CASK: variants seen among roughly 807,000 people sequenced by gnomAD.
The protein encoded by CASK is calcium/calmodulin dependent serine protein kinase.
Under a neutral mutation model 82.9 loss-of-function variants are expected in CASK, and 4 were observed. The ratio of observed to expected loss-of-function variants is 0.05; its 90% CI spans 0.02 to 0.11. The LOEUF (loss-of-function observed/expected upper bound fraction) is 0.11. Ranked by LOEUF, CASK falls within the 10% of genes least tolerant of loss-of-function variation. The pLI, the probability that CASK is intolerant of heterozygous loss-of-function variation, is 1.00. For missense variants in CASK, 358 were observed against 720.9 expected, an observed-to-expected ratio of 0.50 and a Z score of 5.76; for synonymous variants, 259 against 253.5, an observed-to-expected ratio of 1.02 and a Z score of -0.20.
chrX:41,715,782 T>C (rs1281532887), intron 5 of CASK, among the ~76,000 whole-genome samples: 2 of 112,057 alleles, frequency 1.8e-5, no homozygotes, highest in East Asian at 5.6e-4. Context: ...ATGTTTCTTT[T>C]GCACCATCTT....
chrX:41,817,001 C>A (rs907586587), intron 2 of CASK, among the ~76,000 whole-genome samples: 1 of 111,615 alleles, frequency 9.0e-6, no homozygotes, highest in Non-Finnish European at 1.9e-5. Context: ...ACCTTGATAT[C>A]AAAACCAGTT....
At chrX:41,681,654 T>C (rs1463644117) in intron 5 of CASK, among the ~76,000 whole-genome samples, 2 of 111,544 alleles carry the variant, frequency 1.8e-5, no homozygotes, top group African/African-American at 3.3e-5. Flanking sequence ...TTGGTGATGC[T>C]AGAAGTGCTC....
chrX:41,909,683 C>G (rs1003441459), intron 1 of CASK, among the ~76,000 whole-genome samples: 3 of 110,522 alleles, frequency 2.7e-5, no homozygotes, highest in African/African-American at 9.9e-5. Context: ...CGGCTCACTG[C>G]AAACTATGCC....
intron 1 of CASK, among the ~76,000 whole-genome samples, chrX:41,906,529 C>A (rs1438534704): frequency 8.9e-6 from 1 of 112,542 alleles, no homozygotes; most frequent in Non-Finnish European, 1.9e-5. Context: ...AGTTGCTACT[C>A]TGGAAGTAGC....
intron 8 of CASK, among the ~76,000 whole-genome samples, chrX:41,641,989 T>C (rs1055140873): frequency 3.1e-4 from 32 of 104,263 alleles, no homozygotes; most frequent in South Asian, 4.8e-4. Context: ...AGTGAGAACA[T>C]GTGGTGTTTG....
intron 1 of CASK, among the ~76,000 whole-genome samples, chrX:41,881,306 T>C (rs2071949720): frequency 8.9e-6 from 1 of 111,832 alleles, no homozygotes; most frequent in South Asian, 3.7e-4. Flanking sequence ...AAGTATGTTA[T>C]GGAGTTTGAA....
chrX:41,615,148 A>G (rs1176140051), intron 11 of CASK, among the ~76,000 whole-genome samples: 2 of 111,878 alleles, frequency 1.8e-5, no homozygotes, highest in African/African-American at 6.5e-5. Context: ...GGCTATTGGT[A>G]TCCTTTCACT....
chrX:41,726,305 C>T (rs1470319498), intron 5 of CASK, among the ~76,000 whole-genome samples: 1 of 112,004 alleles, frequency 8.9e-6, no homozygotes, highest in Non-Finnish European at 1.9e-5. Context: ...GACAGTTTAA[C>T]ATTAAATATT....
At chrX:41,695,850 A>G in intron 5 of CASK, 1 of 1,204,997 alleles carries the variant, frequency 8.3e-7, no homozygotes, top group South Asian at 1.8e-5. Flanking sequence ...GGTTGGGAAC[A>G]TAATCGCCCT....
At chrX:41,815,049 T>C (rs938471558) in intron 2 of CASK, among the ~76,000 whole-genome samples, 4 of 110,353 alleles carry the variant, frequency 3.6e-5, no homozygotes, top group Admixed American at 9.7e-5. Flanking sequence ...AAACAGAGAT[T>C]ATGGTTTGGG....
At chrX:41,544,337 C>T (rs762190259) in intron 21 of CASK, among the ~76,000 whole-genome samples, 1 of 111,286 alleles carries the variant, frequency 9.0e-6, no homozygotes, top group Admixed American at 9.6e-5. Context: ...GAGGCTGAGG[C>T]GGGTGGATGA....
At position 41,913,214 on chromosome X, in the gene CASK, C is replaced by T. The variant is rs148582795; in HGVS notation, c.59+9716G>A. 2.8e-3 allele frequency among the ~76,000 whole-genome samples: 310 copies of T among 111,949 alleles called. 1 individual carries two copies. Among genetic ancestry groups the T allele is most frequent in the African/African-American group, 9.7e-3 (298 of 30,793 alleles). On this transcript the variant is annotated intron_variant, in intron 1 of 26. Transcript: ENST00000378163. Reference sequence around the variant, plus strand: ...ATTTGAGCTCCCTGAGGCCAGAGAACTCAAGTGTTTGGTGAATAGCAATAC... The same window carrying T: ...ATTTGAGCTCCCTGAGGCCAGAGAATTCAAGTGTTTGGTGAATAGCAATAC...
At chrX:41,921,081 G>A (rs896607211) in intron 1 of CASK, among the ~76,000 whole-genome samples, 1 of 111,521 alleles carries the variant, frequency 9.0e-6, no homozygotes, top group Admixed American at 9.4e-5. Flanking sequence ...CCTGAAACGT[G>A]GCTGGTCCGA....
chrX:41,653,176 C>T (rs1367047301), intron 8 of CASK, among the ~76,000 whole-genome samples: 1 of 112,210 alleles, frequency 8.9e-6, no homozygotes, highest in Non-Finnish European at 1.9e-5. Context: ...TGAGTTTTTC[C>T]ACCTTCAGTT....
intron 1 of CASK, among the ~76,000 whole-genome samples, chrX:41,854,219 C>G (rs1331691058): frequency 3.4e-5 from 2 of 59,464 alleles, no homozygotes; most frequent in South Asian, 2.0e-3. Flanking sequence ...CGCGCGCGGG[C>G]GCGCGCACAC....
intron 2 of CASK, among the ~76,000 whole-genome samples, chrX:41,827,658 A>G (rs955511382): frequency 6.2e-5 from 7 of 112,348 alleles, no homozygotes; most frequent in Non-Finnish European, 1.3e-4. Flanking sequence ...AGTCTTCAAT[A>G]AGCATCTCAG....
chrX:41,539,881 A>C (rs1340116065), intron 22 of CASK, among the ~76,000 whole-genome samples: 1 of 112,221 alleles, frequency 8.9e-6, no homozygotes, highest in African/African-American at 3.2e-5. Flanking sequence ...TATTTCAGAA[A>C]GTCAAGGAAA....
intron 3 of CASK, among the ~76,000 whole-genome samples, chrX:41,746,419 A>G (rs1461206707): frequency 9.0e-6 from 1 of 110,919 alleles, no homozygotes; most frequent in African/African-American, 3.3e-5. Context: ...AAGCCCCCTC[A>G]ATGATTACCA....
rs2065936512 is a variant in CASK at position 41,604,746 on chromosome X, T to C, written c.1155+5158A>G. Among the ~76,000 whole-genome samples, 3 of 112,323 alleles carry C rather than the reference T, an allele frequency of 2.7e-5. No homozygotes were observed. In the South Asian group the frequency reaches 1.1e-3, roughly 41 times the overall value. On this transcript the variant is annotated intron_variant, in intron 12 of 26. Coordinates refer to ENST00000378163, the MANE Select transcript of CASK (RefSeq NM_001367721.1). ...TTTTAATTTTTAAATACAGGCATAC[T>C]GCAACAAGCTGGACCAAGCAGTTCC...
Sources: allele counts gnomAD v4.1 joint callset (sites outside exome capture counted in the v4.1 genomes callset), GRCh38; gene constraint gnomAD v4.1.1; transcripts MANE v1.5; gene names NCBI Gene and HGNC (gene_info 2026-07-23, HGNC 2026-07-21).